Variants in AMOTL1 observed in about 807,000 individuals in gnomAD.
The protein encoded by AMOTL1 is angiomotin-like protein 1.
Under a neutral mutation model 102.9 loss-of-function variants are expected in AMOTL1, and 45 were observed. The observed-to-expected ratio is 0.44, with a 90% CI of 0.34 to 0.56. The LOEUF is 0.56. Among genes scored for constraint, AMOTL1 ranks in the 20% least tolerant of loss-of-function variants. The pLI, the probability that AMOTL1 is intolerant of heterozygous loss-of-function variation, is 0.01. For missense variants in AMOTL1, 1,114 were observed against 1,225.6 expected (o/e 0.91, Z 1.36); for synonymous variants, 481 against 484.7 (o/e 0.99, Z 0.10).
intron 3 of AMOTL1, among the ~76,000 whole-genome samples, chr11:94,810,496 C>CAAAA (rs5793699): frequency 4.5e-5 from 6 of 133,508 alleles, no homozygotes; most frequent in Non-Finnish European, 9.4e-5. Context: ...TATTTTAGTC[C>CAAAA]AAAAAAAAAA....
At chr11:94,770,590 G>A (rs542059282) in intron 1 of AMOTL1, among the ~76,000 whole-genome samples, 15 of 152,186 alleles carry the variant, frequency 9.9e-5, no homozygotes, top group East Asian at 3.9e-4. Flanking sequence ...TACCTGTAAC[G>A]CCCCTTTCCC....
At position 94,859,616 on chromosome 11, in the gene AMOTL1, C is replaced by T. The variant is rs368276091; in HGVS notation, c.2036C>T (p.Ala679Val). 2 of 1,613,676 alleles carry T rather than the reference C, an allele frequency of 1.2e-6. No homozygotes were observed. Among genetic ancestry groups the T allele is most frequent in the Non-Finnish European group, 1.7e-6 (2 of 1,179,822 alleles). ...CGGGAGAAGGAGGAGCGGATCCTGGCCCTGGAGGCCGACATGACAAAGTGG... is the reference window on the plus strand; with the variant it reads ...CGGGAGAAGGAGGAGCGGATCCTGGTCCTGGAGGCCGACATGACAAAGTGG... Reference protein sequence around the residue: ...LVREKEERILALEADMTKWEQ... With the variant: ...LVREKEERILVLEADMTKWEQ... Residue 679 changes from alanine (A) to valine (V), a missense_variant, in exon 9 of 13, where the codon GCC becomes GTC. Ala to Val is a moderately conservative substitution (Grantham distance 64). Coordinates refer to ENST00000433060, the MANE Select transcript of AMOTL1 (RefSeq NM_130847.3).
At chr11:94,753,541 TAAAAC>T (rs771988569) in intron 3 of AMOTL1, among the ~76,000 whole-genome samples, 1 of 152,220 alleles carries the variant, frequency 6.6e-6, no homozygotes, top group Non-Finnish European at 1.5e-5. Flanking sequence ...TCAGTCATCT[TAAAAC>T]AATCCTGTAA....
chr11:94,707,250 C>CTCTCTCTGTG (rs1338023479), intron 1 of AMOTL1, among the ~76,000 whole-genome samples: 31 of 71,796 alleles, frequency 4.3e-4, no homozygotes, highest in African/African-American at 1.2e-3. Context: ...CTCTCTCTCT[C>CTCTCTCTGTG]TGTGTGTGTG....
intron 1 of AMOTL1, among the ~76,000 whole-genome samples, chr11:94,785,462 T>C (rs1951171442): frequency 6.6e-6 from 1 of 152,222 alleles, no homozygotes; most frequent in Admixed American, 6.5e-5. Context: ...CTGGCACTAA[T>C]AAGCACTCAA....
At chr11:94,820,308 T>C (rs1951841422) in intron 3 of AMOTL1, 1 of 152,402 alleles carries the variant, frequency 6.6e-6, no homozygotes, top group Non-Finnish European at 1.5e-5. Context: ...TCCACACGAG[T>C]GTTCCTGCCA....
upstream of AMOTL1, chr11:94,768,306 G>T (rs1307986305): frequency 8.2e-6 from 11 of 1,346,326 alleles, no homozygotes; most frequent in Non-Finnish European, 7.6e-6. Context: ...GAGCCCGGGC[G>T]ACCCTCCCCG....
Position 94,794,585 on chromosome 11 carries a change from T to A in AMOTL1, c.50-426T>A, listed in dbSNP as rs1485808516. On this transcript the variant is annotated intron_variant, in intron 1 of 12. Coordinates refer to ENST00000433060, the MANE Select transcript of AMOTL1 (RefSeq NM_130847.3). The stretch of plus-strand genomic sequence containing the variant: ...TGACCACTCCTTTCTGTATCTTTTA[T>A]GTATTTTGAAAGACAGCTGCTCTTC... 2.0e-5 allele frequency among the ~76,000 whole-genome samples: 3 copies of A among 152,220 alleles called. 1 individual carries two copies. In the South Asian group the frequency reaches 6.2e-4, roughly 31 times the overall value.
chr11:94,754,219 A>G (rs1950693239), intron 3 of AMOTL1, among the ~76,000 whole-genome samples: 1 of 152,108 alleles, frequency 6.6e-6, no homozygotes, highest in Non-Finnish European at 1.5e-5. Context: ...GAGAAGAGGA[A>G]CCCGACTCAG....
chr11:94,864,685 A>G (rs1565387269), intron 9 of AMOTL1, 50 bp from the exon 10 acceptor site: 3 of 1,587,778 alleles, frequency 1.9e-6, no homozygotes, highest in Non-Finnish European at 2.6e-6. Context: ...TTGCATTGAG[A>G]CAAAGCAAGA....
intron 6 of AMOTL1, among the ~76,000 whole-genome samples, chr11:94,847,000 T>A (rs571226860): frequency 6.6e-6 from 1 of 152,332 alleles, no homozygotes; most frequent in Non-Finnish European, 1.5e-5. Flanking sequence ...TTGACAACAC[T>A]ACTTCCTATC....
chr11:94,846,792 G>A (rs570981483), intron 6 of AMOTL1, among the ~76,000 whole-genome samples: 7 of 152,086 alleles, frequency 4.6e-5, no homozygotes, highest in Non-Finnish European at 1.0e-4. Context: ...TCACCTCTGT[G>A]GGCAAGTTAC....
intron 2 of AMOTL1, among the ~76,000 whole-genome samples, chr11:94,729,793 AT>A (rs1413594428): frequency 6.6e-6 from 1 of 152,142 alleles, no homozygotes; most frequent in Non-Finnish European, 1.5e-5. Context: ...TTGTTTATTC[AT>A]TTATTCAACA....
chr11:94,809,188 C>G (rs1951626051), intron 3 of AMOTL1, among the ~76,000 whole-genome samples: 2 of 152,018 alleles, frequency 1.3e-5, no homozygotes, highest in Admixed American at 1.3e-4. Flanking sequence ...TCAGGCTGGT[C>G]TCGAACTCCT....
chr11:94,812,646 A>G (rs1463683016), intron 3 of AMOTL1, among the ~76,000 whole-genome samples: 1 of 152,300 alleles, frequency 6.6e-6, no homozygotes, highest in African/African-American at 2.4e-5. Context: ...TTGTCTTTGT[A>G]GCTATCTTAT....
At chr11:94,832,678 T>A (rs1952097556) in intron 6 of AMOTL1, among the ~76,000 whole-genome samples, 1 of 152,234 alleles carries the variant, frequency 6.6e-6, no homozygotes, top group South Asian at 2.1e-4. Context: ...TTATCTTATA[T>A]CTCTTCCTGT....
chr11:94,845,088 C>A (rs73518543), intron 6 of AMOTL1, among the ~76,000 whole-genome samples: 6,684 of 152,318 alleles, frequency 0.044, 211 homozygotes, highest in African/African-American at 0.077. Flanking sequence ...ACCTTATACA[C>A]ACATCCACCC....
At chr11:94,849,968 T>G (rs868776877) in intron 6 of AMOTL1, 146 bp from the exon 7 acceptor site, 162 of 1,038,294 alleles carry the variant, frequency 1.6e-4, no homozygotes, top group Middle Eastern at 9.0e-4. Context: ...ATACCACCAC[T>G]ATGAAAAGGG....
chr11:94,832,946 T>G (rs1281424609), intron 6 of AMOTL1, among the ~76,000 whole-genome samples: 2 of 152,256 alleles, frequency 1.3e-5, no homozygotes, highest in African/African-American at 4.8e-5. Flanking sequence ...TGTTCTGGCC[T>G]CCCAGCCAAG....
Sources: allele counts gnomAD v4.1 joint callset (sites outside exome capture counted in the v4.1 genomes callset), GRCh38; gene constraint gnomAD v4.1.1; transcripts MANE v1.5; gene names NCBI Gene and HGNC (gene_info 2026-07-23, HGNC 2026-07-21).